The following NLRP3 variants were observed in gnomAD, a reference collection of about 807,000 sequenced individuals.
NLRP3 encodes NACHT, LRR and PYD domains-containing protein 3.
In NLRP3, 48 loss-of-function variants were observed where a neutral mutation model predicts 91.3. The observed-to-expected ratio is 0.53, with a 90% confidence interval of 0.42 to 0.67. The LOEUF (loss-of-function observed/expected upper bound fraction) is 0.67. Among genes scored for constraint, NLRP3 ranks in the 30% least tolerant of loss-of-function variants. The pLI, the probability that NLRP3 is intolerant of heterozygous loss-of-function variation, is 0.00. For synonymous variants in NLRP3, 561 were observed against 507.9 expected, an observed-to-expected ratio of 1.10 and a Z score of -1.41; for missense variants, 982 against 1,276.9, an observed-to-expected ratio of 0.77 and a Z score of 3.52.
chr1:247,433,271 G>A (rs1279524927), intron 5 of NLRP3, among the ~76,000 whole-genome samples: 2 of 152,154 alleles, frequency 1.3e-5, no homozygotes, highest in Admixed American at 1.3e-4. Flanking sequence ...TATAGATGGA[G>A]GGCTGGGATG....
Position 247,418,598 on chromosome 1 carries a change from G to A in NLRP3, c.-203G>A, listed in dbSNP as rs1042817230. 12 of 646,450 alleles carry A rather than the reference G, an allele frequency of 1.9e-5. No homozygotes were observed. The highest frequency in any genetic ancestry group is 3.7e-5 in the South Asian group (2 of 54,178). The allele number at this position is 646,450 out of a possible 1,614,324, so 40.0% of individuals were successfully genotyped here. A position where few individuals can be genotyped will look rare whatever the true frequency, so the allele number is the denominator to read the frequency against. ...ATTACAGGCGTGAGCCACTGTGCCC[G>A]GCCTTGGCTAACTTTTCAAAATTAA... On this transcript the variant is annotated 5_prime_UTR_variant, in exon 2 of 10. Transcript: ENST00000336119.
intron 5 of NLRP3, among the ~76,000 whole-genome samples, chr1:247,433,070 G>T (rs1169610001): frequency 6.6e-6 from 1 of 151,924 alleles, no homozygotes; most frequent in Non-Finnish European, 1.5e-5. Flanking sequence ...GGCTAAGCAT[G>T]GTAGCACATG....
rs149493236 is a variant in NLRP3 at position 247,425,567 on chromosome 1, C to T, written c.2118C>T (p.Leu706=). Residue 706 remains leucine, a synonymous_variant, in exon 4 of 10, where the codon CTC becomes CTT. Transcript: ENST00000336119. This position sits in a 1 kb window ranked among gnomAD's most constrained non-coding sequence, Gnocchi z 4.1. ...GRHLDMVQCV[L]PSSSHAACSH... ...ACCTTGATATGGTGCAGTGTGTCCT[C>T]CCAAGCTCCTCTCATGCTGCCTGTT... 3.2e-4 allele frequency: 519 copies of T among 1,610,072 alleles called. No individual in the cohort carries two copies. The highest frequency in any genetic ancestry group is 4.1e-4 in the Non-Finnish European group (485 of 1,180,006).
chr1:247,442,906 G>A (rs2103225443), intron 7 of NLRP3, among the ~76,000 whole-genome samples: 2 of 152,166 alleles, frequency 1.3e-5, no homozygotes, highest in South Asian at 4.2e-4. Flanking sequence ...CTGGGTGACT[G>A]AGCAAGAGCC....
chr1:247,445,797 C>T (rs1045841705), intron 9 of NLRP3, among the ~76,000 whole-genome samples: 4 of 152,174 alleles, frequency 2.6e-5, no homozygotes, highest in Non-Finnish European at 5.9e-5. Context: ...TCTTCTTCAT[C>T]ATCCTGACCC....
intron 9 of NLRP3, among the ~76,000 whole-genome samples, chr1:247,448,075 G>T (rs1558212745): frequency 6.6e-6 from 1 of 151,604 alleles, no homozygotes; most frequent in Non-Finnish European, 1.5e-5. Context: ...TGTCATTGGA[G>T]GTGCTCACAG....
intron 7 of NLRP3, among the ~76,000 whole-genome samples, chr1:247,438,158 G>A (rs980449390): frequency 6.6e-6 from 1 of 152,178 alleles, no homozygotes. Flanking sequence ...GGCATCAGCA[G>A]GCTGGGTCCT....
In NLRP3 at chr1:247,418,902, G is replaced by A. The variant is rs2103083890; in HGVS notation, c.102G>A (p.Lys34=). 6.2e-7 allele frequency: 1 copy of A among 1,614,118 alleles called. No individual in the cohort carries two copies. The change falls in exon 2 of 10, where the codon AAG becomes AAA. Residue 34 remains lysine (K), a synonymous_variant. Transcript: ENST00000336119. ...ACTTAGAGGACTATCCTCCCCAGAAGGGCTGCATCCCCCTCCCGAGGGGTC... is the reference window on the plus strand; with the variant it reads ...ACTTAGAGGACTATCCTCCCCAGAAAGGCTGCATCCCCCTCCCGAGGGGTC... The part of the protein sequence containing the change: ...KMHLEDYPPQ[K]GCIPLPRGQT...
intron 2 of NLRP3, among the ~76,000 whole-genome samples, chr1:247,422,366 G>A (rs901871886): frequency 7.9e-6 from 1 of 127,026 alleles, no homozygotes; most frequent in Non-Finnish European, 1.6e-5. Context: ...GCAATAGAGT[G>A]AGGCCCTGTC....
At chr1:247,423,441 A>G (rs1044508381) in intron 3 of NLRP3, 92 bp downstream of exon 3, 10 of 1,455,926 alleles carry the variant, frequency 6.9e-6, no homozygotes, top group African/African-American at 4.2e-5. Context: ...TGGCCATACT[A>G]TAGGTTCCTG....
At position 247,421,020 on chromosome 1, in the gene NLRP3, C is replaced by T. The variant is rs1662421099; in HGVS notation, c.277+1943C>T. Among the ~76,000 whole-genome samples the T allele has an allele frequency of 2.6e-5, 4 of 152,198 alleles. No individual in the cohort carries two copies. In the South Asian group the frequency reaches 8.3e-4, roughly 32 times the overall value. ...CTATGGCCCAGAGGGCAGCCTCTCT[C>T]CTTGAAGAACCGTGGAGTTTGGGGC... is the stretch of plus-strand genomic sequence containing the variant. On this transcript the variant is annotated intron_variant, in intron 2 of 9. Coordinates refer to ENST00000336119, the MANE Select transcript of NLRP3 (RefSeq NM_001243133.2).
Position 247,448,508 on chromosome 1 carries a change from T to G in NLRP3, c.*4T>G. 1 of 1,592,080 alleles carries G rather than the reference T, an allele frequency of 6.3e-7. No individual in the cohort carries two copies. Among genetic ancestry groups the G allele is most frequent in the Admixed American group, 1.7e-5 (1 of 59,936 alleles). ...CGTCTTTGAGCCTTCTTGGTAGGAG[T>G]GGAAACGGGGCTGCCAGACGCCAGT... On this transcript the variant is annotated 3_prime_UTR_variant, in exon 10 of 10. Transcript: ENST00000336119.
At chr1:247,419,173 T>TTTTG (rs1662277617) in intron 2 of NLRP3, 96 bp downstream of exon 2, 1 of 886,070 alleles carries the variant, frequency 1.1e-6, no homozygotes, top group Admixed American at 4.0e-5. Context: ...TATTTTTTTT[T>TTTTG]GAGACGGAGT....
chr1:247,426,837 C>T (rs748779084), intron 4 of NLRP3, among the ~76,000 whole-genome samples: 26 of 152,084 alleles, frequency 1.7e-4, no homozygotes, highest in African/African-American at 3.9e-4. Context: ...AGCCAGCTTC[C>T]GGAGGATGGG....
chr1:247,448,365 T>G, intron 9 of NLRP3, 40 bp from the exon 10 acceptor site: 2 of 1,069,988 alleles, frequency 1.9e-6, no homozygotes, highest in Non-Finnish European at 2.9e-6. Flanking sequence ...GACAGAGTTA[T>G]CTGAAGAGTG....
rs1662396711 is a variant in NLRP3 at position 247,420,743 on chromosome 1, G to T, written c.277+1666G>T. On this transcript the variant is annotated intron_variant, in intron 2 of 9. Coordinates refer to ENST00000336119, the MANE Select transcript of NLRP3 (RefSeq NM_001243133.2). Reference sequence around the variant, plus strand: ...AAAAAAAATTTTTTTTTCTTGTATTGTCTTGGTTTTTTCTCTTTTCCCCTC... The same window carrying T: ...AAAAAAAATTTTTTTTTCTTGTATTTTCTTGGTTTTTTCTCTTTTCCCCTC... Among the ~76,000 whole-genome samples, 5 of 55,934 alleles carry T rather than the reference G, an allele frequency of 8.9e-5. No homozygotes were observed. In the Admixed American group the frequency reaches 1.1e-3, roughly 12 times the overall value. The allele number at this position is 55,934 out of a possible 152,430, so 36.7% of individuals were successfully genotyped here.
chr1:247,434,459 C>T (rs985453273), intron 6 of NLRP3, among the ~76,000 whole-genome samples, 186 bp downstream of exon 6: 3 of 152,152 alleles, frequency 2.0e-5, no homozygotes, highest in Admixed American at 2.0e-4. Flanking sequence ...GAAAGCCACA[C>T]ACTCAACCCT....
At chr1:247,434,385 C>T (rs549466625) in intron 6 of NLRP3, 112 bp downstream of exon 6, 5 of 1,091,362 alleles carry the variant, frequency 4.6e-6, no homozygotes, top group East Asian at 2.4e-5. Flanking sequence ...CTTGGCGGCT[C>T]GGGTGACTGC....
intron 5 of NLRP3, among the ~76,000 whole-genome samples, chr1:247,430,941 A>AT (rs911162695): frequency 4.0e-4 from 61 of 150,816 alleles, no homozygotes; most frequent in Admixed American, 3.8e-3. Flanking sequence ...TAATTTTTGT[A>AT]TTTTTTTTGT....
Sources: gnomAD v4.1 joint callset for allele counts (sites outside exome capture counted in the v4.1 genomes callset) on GRCh38, gnomAD v4.1.1 for gene constraint, Gnocchi (gnomAD v3.1) non-coding constraint, MANE v1.5 for transcripts, NCBI Gene and HGNC (gene_info 2026-07-23, HGNC 2026-07-21) for gene names.